VIPR2: variants seen among roughly 807,000 people sequenced by gnomAD.
The protein encoded by VIPR2 is vasoactive intestinal peptide receptor 2, also known as vasoactive intestinal polypeptide receptor 2.
A neutral mutation model predicts 58.0 loss-of-function variants in VIPR2; 48 were observed. The observed-to-expected ratio is 0.83, with a 90% confidence interval of 0.66 to 1.05. VIPR2 has a LOEUF of 1.05. VIPR2 is among the 50% of genes least tolerant of loss of function. VIPR2 has a pLI of 0.00. For synonymous variants in VIPR2, 243 were observed against 235.2 expected (o/e 1.03, Z -0.30); for missense variants, 534 against 558.0 (o/e 0.96, Z 0.43).
chr7:159,128,591 CAGG>C lies in VIPR2; in HGVS notation c.151+13852_151+13854del, dbSNP rs1796743825. Among the ~76,000 whole-genome samples the C allele has an allele frequency of 6.6e-6, 1 of 152,182 alleles. No homozygotes were observed. The highest frequency in any genetic ancestry group is 2.1e-4 in the South Asian group (1 of 4,826). On this transcript the variant is annotated intron_variant, in intron 2 of 12. Coordinates refer to ENST00000262178, the MANE Select transcript of VIPR2 (RefSeq NM_003382.5). The surrounding 1 kb of genome is among the most constrained non-coding windows in gnomAD (Gnocchi z 4.1). ...GCCTTCTTTGCTCTCCATGAAATTT[CAGG>C]AGGAGCATCCACTGCCATCCTGAAG...
At chr7:159,144,571 C>G in intron 1 of VIPR2, 150 bp downstream of exon 1, 2 of 1,431,046 alleles carry the variant, frequency 1.4e-6, no homozygotes, top group South Asian at 1.5e-5. Context: ...GAGGAAGCTC[C>G]GGACCCCGGG....
chr7:159,030,643 G>T lies in VIPR2; in HGVS notation c.1290C>A (p.Phe430Leu), dbSNP rs1853487782. The T allele has an allele frequency of 6.4e-7, 1 of 1,555,196 alleles. No homozygotes were observed. Among genetic ancestry groups the T allele is most frequent in the Non-Finnish European group, 8.7e-7 (1 of 1,150,890 alleles). The change falls in exon 13 of 13, where the codon TTC (phenylalanine) becomes TTA (leucine). Residue 430 changes from phenylalanine to leucine, a missense_variant. By Grantham distance (22) the Phe-to-Leu change is conservative (BLOSUM62 0). This residue lies in a region of VIPR2 where 306 missense variants were observed against 285.8 expected (regional missense o/e 1.07). Transcript: ENST00000262178. The stretch of plus-strand genomic sequence containing the variant: ...AGATGACCGAGGTCTCCGTTTGCAG[G>T]AAGGACTGGGCGCGGGAGCCGCGGT... ...QFHRGSRAQS[F>L]LQTETSVI
At chr7:159,101,944 A>G (rs1388996616) in intron 4 of VIPR2, among the ~76,000 whole-genome samples, 98 of 115,824 alleles carry the variant, frequency 8.5e-4, no homozygotes, top group South Asian at 1.5e-3. Context: ...GTAGTGAATG[A>G]GTCTCACGAG....
At chr7:159,123,287 GTAAAAA>G (rs1349470045) in intron 2 of VIPR2, among the ~76,000 whole-genome samples, 1 of 10,650 alleles carries the variant, frequency 9.4e-5, no homozygotes. Context: ...GCAAGACTCT[GTAAAAA>G]AAAAAAAAAA....
chr7:159,103,978 G>T, intron 3 of VIPR2, 124 bp from the exon 4 acceptor site: 1 of 790,694 alleles, frequency 1.3e-6, no homozygotes, highest in Non-Finnish European at 2.1e-6. Flanking sequence ...TCAGCTAGGA[G>T]ACAGGACTGC....
At chr7:159,137,354 A>G (rs1797273468) in intron 2 of VIPR2, among the ~76,000 whole-genome samples, 1 of 152,154 alleles carries the variant, frequency 6.6e-6, no homozygotes, top group Admixed American at 6.5e-5. Context: ...TTCCTATAAA[A>G]AGTAAATATA....
At chr7:159,121,608 T>A (rs1406027751) in intron 2 of VIPR2, among the ~76,000 whole-genome samples, 1 of 152,238 alleles carries the variant, frequency 6.6e-6, no homozygotes, top group Non-Finnish European at 1.5e-5. Flanking sequence ...ACTTAATATA[T>A]CATGCATATT....
At chr7:159,043,941 C>G (rs981739522) in intron 5 of VIPR2, among the ~76,000 whole-genome samples, 1 of 152,168 alleles carries the variant, frequency 6.6e-6, no homozygotes, top group African/African-American at 2.4e-5. Context: ...ATAAGGGCTT[C>G]AAGAAGCTCT....
intron 4 of VIPR2, among the ~76,000 whole-genome samples, chr7:159,079,729 T>C (rs1856810649): frequency 6.6e-6 from 1 of 151,804 alleles, no homozygotes; most frequent in African/African-American, 2.4e-5. Flanking sequence ...GCAAGACTAA[T>C]AAAGAAGAAA....
intron 4 of VIPR2, among the ~76,000 whole-genome samples, chr7:159,084,416 G>A (rs1857068217): frequency 6.6e-6 from 1 of 152,240 alleles, no homozygotes; most frequent in Non-Finnish European, 1.5e-5. Context: ...CAGGAGACAG[G>A]ATGTGGGGGC....
chr7:159,031,757 C>T lies in VIPR2; in HGVS notation c.1143+71G>A. 2 of 1,611,284 alleles carry T rather than the reference C, an allele frequency of 1.2e-6. No individual in the cohort carries two copies. ...AGACAGGCATGTGTGGGGGCTGCGG[C>T]ACCAGGCTGGGCAGCATCTCAGGAA... On this transcript the variant is annotated intron_variant, in intron 12 of 12. Coordinates refer to ENST00000262178, the MANE Select transcript of VIPR2 (RefSeq NM_003382.5). The surrounding 1 kb of genome is among the most constrained non-coding windows in gnomAD (Gnocchi z 4.0).
chr7:159,066,930 T>C (rs1856123559), intron 4 of VIPR2, among the ~76,000 whole-genome samples: 1 of 149,242 alleles, frequency 6.7e-6, no homozygotes, highest in Non-Finnish European at 1.5e-5. Context: ...TAAACCTCAG[T>C]AGGAAAACCA....
Position 159,032,179 on chromosome 7 carries a change from C to T in VIPR2, c.972-112G>A, listed in dbSNP as rs142233856. 188 of 1,414,152 alleles carry T rather than the reference C, an allele frequency of 1.3e-4. No homozygotes were observed. The African/African-American group carries it at 2.1e-3, about 16-fold the overall frequency. 87.6% of individuals were successfully genotyped at this position (1,414,152 alleles called of 1,614,324 possible). A position where few individuals can be genotyped will look rare whatever the true frequency, so the allele number is the denominator to read the frequency against. On this transcript the variant is annotated intron_variant, in intron 10 of 12. Coordinates refer to ENST00000262178, the MANE Select transcript of VIPR2 (RefSeq NM_003382.5). ...TGGGTGTGGGAGGGGCTCCACACCT[C>T]CTCTCCACTGCTGGAGTCCCCGCCC...
chr7:159,056,430 A>C (rs1336354926), intron 5 of VIPR2, among the ~76,000 whole-genome samples: 1 of 152,170 alleles, frequency 6.6e-6, no homozygotes, highest in African/African-American at 2.4e-5. Context: ...AGAGAAGTGG[A>C]CCATGCAGTT....
Position 159,050,432 on chromosome 7 carries a change from AAATT to A in VIPR2, c.456-7260_456-7257del, listed in dbSNP as rs377371423. Among the ~76,000 whole-genome samples the A allele has an allele frequency of 6.0e-3, 909 of 151,958 alleles. 9 individuals are homozygous for A. The highest frequency in any genetic ancestry group is 0.034 in the Middle Eastern group (10 of 290). ...CTAGTGTTTTAAGACATGGACTATA[AAATT>A]AATATATTTAAGAAAACAGATAAAG... On this transcript the variant is annotated intron_variant, in intron 5 of 12. Coordinates refer to ENST00000262178, the MANE Select transcript of VIPR2 (RefSeq NM_003382.5).
At chr7:159,136,807 G>C (rs1445226553) in intron 2 of VIPR2, among the ~76,000 whole-genome samples, 3 of 152,182 alleles carry the variant, frequency 2.0e-5, no homozygotes, top group African/African-American at 7.2e-5. Flanking sequence ...CATAAAAAAT[G>C]AGGCCAGCAG....
intron 4 of VIPR2, among the ~76,000 whole-genome samples, chr7:159,071,183 G>A (rs1285697372): frequency 6.6e-6 from 1 of 152,204 alleles, no homozygotes; most frequent in Non-Finnish European, 1.5e-5. Flanking sequence ...ATGGTCATGA[G>A]GAACTGTGCA....
intron 2 of VIPR2, among the ~76,000 whole-genome samples, chr7:159,129,039 G>A (rs1796764559): frequency 6.6e-6 from 1 of 152,276 alleles, no homozygotes; most frequent in Non-Finnish European, 1.5e-5. Context: ...TGGGGGCAAT[G>A]GCACGCACGT....
At chr7:159,046,530 G>A (rs1854660856) in intron 5 of VIPR2, among the ~76,000 whole-genome samples, 2 of 151,182 alleles carry the variant, frequency 1.3e-5, no homozygotes, top group Non-Finnish European at 2.9e-5. Context: ...GGAGCCGGAG[G>A]GTATGGGGAG....
Sources: allele counts gnomAD v4.1 joint callset (sites outside exome capture counted in the v4.1 genomes callset), GRCh38; gene constraint gnomAD v4.1.1; regional missense constraint gnomAD v4.1.1; non-coding constraint Gnocchi (gnomAD v3.1); transcripts MANE v1.5; gene names NCBI Gene and HGNC (gene_info 2026-07-23, HGNC 2026-07-21).